ARSB: variants seen among roughly 807,000 people sequenced by gnomAD.
The protein encoded by ARSB is N-acetylgalactosamine-4-sulfatase.
ARSB carries 41 observed loss-of-function variants against 50.9 expected under a neutral mutation model. The ratio of observed to expected loss-of-function variants is 0.81; its 90% confidence interval spans 0.63 to 1.04. The LOEUF (loss-of-function observed/expected upper bound fraction) is 1.04, where lower values mean the gene tolerates loss of function less well. Ranked by LOEUF, ARSB falls within the 50% of genes least tolerant of loss-of-function variation. The pLI is 0.00. For missense variants in ARSB, 672 were observed against 693.3 expected, an observed-to-expected ratio of 0.97 and a Z score of 0.35; for synonymous variants, 269 against 284.8, an observed-to-expected ratio of 0.94 and a Z score of 0.56.
At chr5:78,868,927 G>T (rs959075887) in intron 5 of ARSB, among the ~76,000 whole-genome samples, 8 of 151,764 alleles carry the variant, frequency 5.3e-5, no homozygotes, top group East Asian at 1.9e-4. Context: ...CATCTCACGT[G>T]CAGAGACACA....
chr5:78,961,126 G>T (rs16876147), intron 3 of ARSB, among the ~76,000 whole-genome samples: 1 of 151,918 alleles, frequency 6.6e-6, no homozygotes, highest in Admixed American at 6.6e-5. Flanking sequence ...TCTTCATGTG[G>T]CTTTCTTTAA....
chr5:78,855,608 A>G (rs998546382), intron 5 of ARSB, among the ~76,000 whole-genome samples: 13 of 152,170 alleles, frequency 8.5e-5, no homozygotes, highest in Non-Finnish European at 1.5e-5. Flanking sequence ...ATGGCATAGC[A>G]TGGTAGCTAT....
chr5:78,845,724 A>G (rs1745417912), intron 5 of ARSB, among the ~76,000 whole-genome samples: 1 of 151,798 alleles, frequency 6.6e-6, no homozygotes, highest in South Asian at 2.1e-4. Context: ...TTTAAACTGG[A>G]TTATTTGGGG....
rs971906879 is a variant in ARSB, at chr5:78,849,264, A to G, written c.1143-9838T>C. Among the ~76,000 whole-genome samples, 75 of 152,254 alleles carry G rather than the reference A, an allele frequency of 4.9e-4. No individual in the cohort carries two copies. The Middle Eastern group carries it at 0.014, about 28-fold the overall frequency. ...TGTATAAGGTGTAAGGAAGGGATCCAGTTTCAGCTTTCTACATATGGCTAG... is the reference window on the plus strand; with the variant it reads ...TGTATAAGGTGTAAGGAAGGGATCCGGTTTCAGCTTTCTACATATGGCTAG... On this transcript the variant is annotated intron_variant, in intron 5 of 7. Coordinates refer to ENST00000264914, the MANE Select transcript of ARSB (RefSeq NM_000046.5).
chr5:78,912,046 G>A lies in ARSB; in HGVS notation c.899-26219C>T, dbSNP rs190896733. On this transcript the variant is annotated intron_variant, in intron 4 of 7. Coordinates refer to ENST00000264914, the MANE Select transcript of ARSB (RefSeq NM_000046.5). ...CAATTATCACATTGGAGATTCCAGT[G>A]TTTTCAATCAAAATATCCACTATAA... Among the ~76,000 whole-genome samples, 5 of 152,330 alleles carry A rather than the reference G, an allele frequency of 3.3e-5. No individual in the cohort carries two copies. The East Asian group carries it at 9.6e-4, about 29-fold the overall frequency.
rs376522527 is a variant in ARSB, at chr5:78,955,371, A to G, written c.822T>C (p.Asp274=). The G allele has an allele frequency of 5.0e-6, 8 of 1,614,060 alleles. No homozygotes were observed. The highest frequency in any genetic ancestry group is 2.2e-5 in the East Asian group (1 of 44,886). Residue 274 remains aspartate, a synonymous_variant, in exon 4 of 8, where the codon GAT becomes GAC. Coordinates refer to ENST00000264914, the MANE Select transcript of ARSB (RefSeq NM_000046.5). ...CTGCAGTGACATTTCCTACTGCTTC[A>G]TCCATAAGGGACACCATTCCTGCAT... The part of the protein sequence containing the change: ...HHYAGMVSLM[D]EAVGNVTAAL...
rs142041769 is a variant in ARSB, at chr5:78,972,981, A to C, written c.313-3789T>G. On this transcript the variant is annotated intron_variant, in intron 1 of 7. Transcript: ENST00000264914. Reference sequence around the variant, plus strand: ...GCCAAACCCTGGATGACATCCAAAAACATGTTTTCGGTCTGTTCAAACACT... The same window carrying C: ...GCCAAACCCTGGATGACATCCAAAACCATGTTTTCGGTCTGTTCAAACACT... Among the ~76,000 whole-genome samples, 178 of 152,284 alleles carry C rather than the reference A, an allele frequency of 1.2e-3. 1 individual carries two copies. Among genetic ancestry groups the C allele is most frequent in the African/African-American group, 4.1e-3 (170 of 41,566 alleles).
chr5:78,983,749 G>A (rs1485065421), intron 1 of ARSB, among the ~76,000 whole-genome samples: 1 of 152,104 alleles, frequency 6.6e-6, no homozygotes. Flanking sequence ...TCAGACCACT[G>A]CGCATATCTT....
At chr5:78,843,925 A>C (rs1387172715) in intron 5 of ARSB, among the ~76,000 whole-genome samples, 1 of 152,186 alleles carries the variant, frequency 6.6e-6, no homozygotes, top group East Asian at 1.9e-4. Flanking sequence ...CCATTGCTTG[A>C]AGATATCACA....
chr5:78,875,678 T>A (rs939013155), intron 5 of ARSB, among the ~76,000 whole-genome samples: 4 of 151,806 alleles, frequency 2.6e-5, no homozygotes, highest in Non-Finnish European at 4.4e-5. Flanking sequence ...ATTATTATTT[T>A]TTTTTTTGAG....
At chr5:78,805,375 T>C (rs1315504485) in intron 6 of ARSB, among the ~76,000 whole-genome samples, 2 of 152,256 alleles carry the variant, frequency 1.3e-5, no homozygotes, top group Non-Finnish European at 2.9e-5. Context: ...TGTGATTTTA[T>C]ACCAAGTATG....
At chr5:78,955,965 A>G (rs926409763) in intron 3 of ARSB, among the ~76,000 whole-genome samples, 5 of 152,214 alleles carry the variant, frequency 3.3e-5, no homozygotes, top group African/African-American at 7.2e-5. Context: ...AGCCACTTTG[A>G]AGAAACATTT....
At chr5:78,883,934 TAAG>T (rs989500824) in intron 5 of ARSB, 2 of 152,182 alleles carry the variant, frequency 1.3e-5, no homozygotes, top group Non-Finnish European at 2.9e-5. Context: ...TATAAAAAGA[TAAG>T]AAATAATCTA....
intron 4 of ARSB, among the ~76,000 whole-genome samples, chr5:78,948,047 C>T (rs1751325264): frequency 1.3e-5 from 2 of 152,072 alleles, no homozygotes; most frequent in Non-Finnish European, 1.5e-5. Context: ...ACAAACATCA[C>T]ATGTTCTCAC....
At chr5:78,931,418 C>G (rs1237300033) in intron 4 of ARSB, among the ~76,000 whole-genome samples, 3 of 152,018 alleles carry the variant, frequency 2.0e-5, no homozygotes, top group African/African-American at 7.3e-5. Flanking sequence ...TAAAAAGATT[C>G]CAGACCAAAA....
chr5:78,907,705 GA>G (rs1365372506), intron 4 of ARSB, among the ~76,000 whole-genome samples: 2 of 152,296 alleles, frequency 1.3e-5, no homozygotes, highest in Middle Eastern at 3.4e-3. Context: ...CAAAGCGGGG[GA>G]GGCCACGGGT....
At chr5:78,818,527 G>A (rs746367018) in intron 6 of ARSB, among the ~76,000 whole-genome samples, 4 of 149,650 alleles carry the variant, frequency 2.7e-5, no homozygotes, top group Non-Finnish European at 5.9e-5. Context: ...TGCACGGTTC[G>A]CATTTCATTT....
chr5:78,944,244 A>T (rs1304203767), intron 4 of ARSB, among the ~76,000 whole-genome samples: 2 of 152,050 alleles, frequency 1.3e-5, no homozygotes, highest in Non-Finnish European at 2.9e-5. Context: ...TAGCTCGGAG[A>T]AGTTTGATCG....
intron 4 of ARSB, among the ~76,000 whole-genome samples, chr5:78,922,646 G>C (rs1749876926): frequency 6.6e-6 from 1 of 150,706 alleles, no homozygotes; most frequent in Non-Finnish European, 1.5e-5. Context: ...CTATAAGGAG[G>C]GATGTCTTCT....
Sources: allele counts gnomAD v4.1 joint callset (sites outside exome capture counted in the v4.1 genomes callset), GRCh38; gene constraint gnomAD v4.1.1; transcripts MANE v1.5; gene names NCBI Gene and HGNC (gene_info 2026-07-23, HGNC 2026-07-21).